CEP112: variants seen among roughly 807,000 people sequenced by gnomAD.
The protein encoded by CEP112 is centrosomal protein of 112 kDa.
In CEP112, 127 loss-of-function variants were observed where a neutral mutation model predicts 153.0. The observed-to-expected ratio is 0.83, with a 90% CI of 0.72 to 0.96. The LOEUF is 0.96. Ranked by LOEUF, CEP112 falls within the 40% of genes least tolerant of loss-of-function variation. The probability of loss-of-function intolerance (pLI) is 0.00; values close to 1 mark genes in which losing one functional copy is unlikely to be tolerated. For missense variants in CEP112, 1,089 were observed against 1,101.2 expected, an observed-to-expected ratio of 0.99 and a Z score of 0.16; for synonymous variants, 358 against 374.4, an observed-to-expected ratio of 0.96 and a Z score of 0.51.
chr17:66,065,358 T>C (rs375724031), intron 10 of CEP112, among the ~76,000 whole-genome samples: 21 of 152,266 alleles, frequency 1.4e-4, no homozygotes, highest in South Asian at 1.0e-3. Context: ...AGAGCTGGAA[T>C]TACAGCCTAT....
At chr17:66,157,211 G>C (rs574961348) in intron 4 of CEP112, among the ~76,000 whole-genome samples, 10 of 152,266 alleles carry the variant, frequency 6.6e-5, no homozygotes, top group Non-Finnish European at 1.5e-5. Flanking sequence ...AGAAGAGAGT[G>C]GGGGCCAATA....
intron 16 of CEP112, among the ~76,000 whole-genome samples, chr17:66,026,902 T>TCCAC (rs1358883807): frequency 6.6e-6 from 1 of 152,196 alleles, no homozygotes; most frequent in Non-Finnish European, 1.5e-5. Context: ...TTTGACTGAA[T>TCCAC]CCACAGATGT....
At chr17:65,918,835 C>T (rs2060593418) in intron 19 of CEP112, among the ~76,000 whole-genome samples, 1 of 152,168 alleles carries the variant, frequency 6.6e-6, no homozygotes, top group South Asian at 2.1e-4. Context: ...ACACTTTATG[C>T]CTGGATTTTG....
intron 20 of CEP112, among the ~76,000 whole-genome samples, chr17:65,862,568 C>T (rs554185600): frequency 6.6e-6 from 1 of 152,262 alleles, no homozygotes; most frequent in East Asian, 1.9e-4. Context: ...GCCTGGGTGA[C>T]ACAGTGAAAC....
At chr17:65,861,668 A>G (rs1241411913) in intron 20 of CEP112, among the ~76,000 whole-genome samples, 1 of 152,232 alleles carries the variant, frequency 6.6e-6, no homozygotes, top group Non-Finnish European at 1.5e-5. Context: ...TAGTCATCAC[A>G]AATGCAAATT....
intron 11 of CEP112, among the ~76,000 whole-genome samples, chr17:66,054,300 G>C (rs981269283): frequency 1.3e-5 from 2 of 152,092 alleles, no homozygotes; most frequent in Admixed American, 6.6e-5. Flanking sequence ...TTGTACACCA[G>C]TAATGTTAAA....
Position 65,998,489 on chromosome 17 carries a change from TAAAAC to T in CEP112, c.1736+7196_1736+7200del, listed in dbSNP as rs200426769. Among the ~76,000 whole-genome samples, 989 of 151,510 alleles carry T rather than the reference TAAAAC, an allele frequency of 6.5e-3. 11 individuals are homozygous for T. The highest frequency in any genetic ancestry group is 0.022 in the African/African-American group (924 of 41,362). On this transcript the variant is annotated intron_variant, in intron 17 of 26. Transcript: ENST00000535342. Reference sequence around the variant, plus strand: ...TACTAAAAATCATATATTGTGCACTTAAAACAAGTTATTTTTATGGTGTGAGAATT... The same window carrying T: ...TACTAAAAATCATATATTGTGCACTTAAGTTATTTTTATGGTGTGAGAATT...
At chr17:65,932,185 A>G (rs112703281) in intron 18 of CEP112, among the ~76,000 whole-genome samples, 9 of 152,270 alleles carry the variant, frequency 5.9e-5, no homozygotes, top group South Asian at 2.1e-4. Flanking sequence ...TAAAGAACCC[A>G]ATAGCAAAAT....
intron 14 of CEP112, 147 bp downstream of exon 14, chr17:66,028,973 CAGT>C: frequency 1.7e-6 from 1 of 591,296 alleles, no homozygotes; most frequent in Non-Finnish European, 2.9e-6. Flanking sequence ...TTTTAAATAC[CAGT>C]AAAAATTCCT....
intron 23 of CEP112, among the ~76,000 whole-genome samples, chr17:65,739,753 T>C (rs1415529863): frequency 6.6e-6 from 1 of 152,060 alleles, no homozygotes; most frequent in Admixed American, 6.6e-5. Context: ...AAAAATCTAC[T>C]CTTACGAATT....
chr17:65,719,715 A>G (rs1314359462), intron 23 of CEP112, among the ~76,000 whole-genome samples: 1 of 152,222 alleles, frequency 6.6e-6, no homozygotes, highest in Non-Finnish European at 1.5e-5. Flanking sequence ...AAGAAACAGC[A>G]TATGCCAAAG....
chr17:65,870,564 T>C (rs1007453667), intron 20 of CEP112, among the ~76,000 whole-genome samples: 1 of 152,166 alleles, frequency 6.6e-6, no homozygotes, highest in African/African-American at 2.4e-5. Flanking sequence ...AACATTCCAG[T>C]TGAGACTGAC....
At chr17:65,738,660 A>C (rs11867165) in intron 23 of CEP112, among the ~76,000 whole-genome samples, 1 of 152,054 alleles carries the variant, frequency 6.6e-6, no homozygotes, top group Non-Finnish European at 1.5e-5. Flanking sequence ...ATTATTTATA[A>C]ATGAGCATAT....
At chr17:66,011,581 T>A (rs1442394330) in intron 16 of CEP112, among the ~76,000 whole-genome samples, 1 of 152,084 alleles carries the variant, frequency 6.6e-6, no homozygotes, top group Non-Finnish European at 1.5e-5. Flanking sequence ...GGTCCAAGAG[T>A]GTAGCTGGTA....
chr17:65,664,338 C>T (rs2046572402), intron 24 of CEP112, among the ~76,000 whole-genome samples: 1 of 152,150 alleles, frequency 6.6e-6, no homozygotes, highest in Admixed American at 6.5e-5. Flanking sequence ...ACAGGAGATG[C>T]TTGGGAATGC....
chr17:66,123,029 C>T (rs370886895), intron 6 of CEP112, among the ~76,000 whole-genome samples: 7 of 152,168 alleles, frequency 4.6e-5, no homozygotes, highest in Admixed American at 2.0e-4. Flanking sequence ...ACTGCCTCTC[C>T]CCCTGTACAA....
At chr17:66,027,688 A>G in intron 15 of CEP112, 128 bp from the exon 16 acceptor site, 1 of 654,862 alleles carries the variant, frequency 1.5e-6, no homozygotes, top group Non-Finnish European at 2.2e-6. Flanking sequence ...CATATGATTA[A>G]GTAAGCCCTA....
At chr17:65,750,431 G>GTGCA (rs1002928140) in intron 22 of CEP112, among the ~76,000 whole-genome samples, 11 of 152,074 alleles carry the variant, frequency 7.2e-5, no homozygotes, top group Admixed American at 6.5e-5. Flanking sequence ...GTGTGTGTGT[G>GTGCA]TGCATGTGTG....
intron 12 of CEP112, among the ~76,000 whole-genome samples, chr17:66,046,189 C>T (rs974719316): frequency 3.9e-5 from 6 of 152,020 alleles, no homozygotes; most frequent in Non-Finnish European, 8.8e-5. Flanking sequence ...ACTACAAGCG[C>T]ATGCTGCCAC....
Sources: allele counts gnomAD v4.1 joint callset (sites outside exome capture counted in the v4.1 genomes callset), GRCh38; gene constraint gnomAD v4.1.1; transcripts MANE v1.5; gene names NCBI Gene and HGNC (gene_info 2026-07-23, HGNC 2026-07-21).